Variants in CADM2 observed in about 807,000 individuals in gnomAD.
The protein encoded by CADM2 is cell adhesion molecule 2.
A neutral mutation model predicts 49.8 loss-of-function variants in CADM2; 12 were observed. The observed-to-expected ratio is 0.24, with a 90% CI of 0.15 to 0.39. The LOEUF is 0.39. CADM2 is among the 10% of genes least tolerant of loss of function. The pLI, the probability that CADM2 is intolerant of heterozygous loss-of-function variation, is 1.00. For missense variants in CADM2, 378 were observed against 492.3 expected (o/e 0.77, Z 2.20); for synonymous variants, 214 against 175.4 (o/e 1.22, Z -1.74).
intron 6 of CADM2, among the ~76,000 whole-genome samples, chr3:85,922,150 TCTTA>T (rs1051357175): frequency 2.6e-5 from 4 of 151,930 alleles, no homozygotes; most frequent in African/African-American, 7.3e-5. Flanking sequence ...TTCTTTTCTT[TCTTA>T]TTCTTTCTCC....
chr3:85,843,078 A>G (rs79326127), intron 3 of CADM2, among the ~76,000 whole-genome samples: 4 of 152,272 alleles, frequency 2.6e-5, no homozygotes, highest in African/African-American at 9.6e-5. Context: ...CCATGATTAA[A>G]TGTTTAGCAT....
chr3:85,403,467 AAAAC>A (rs1197823328), intron 1 of CADM2, among the ~76,000 whole-genome samples: 2 of 152,094 alleles, frequency 1.3e-5, no homozygotes, highest in African/African-American at 2.4e-5. Flanking sequence ...ATGTTTATGG[AAAAC>A]AAACAAACAA....
intron 1 of CADM2, among the ~76,000 whole-genome samples, chr3:85,298,761 A>G (rs2044026035): frequency 6.6e-6 from 1 of 152,174 alleles, no homozygotes; most frequent in Non-Finnish European, 1.5e-5. Flanking sequence ...AAATTAGGAC[A>G]TTTTAAATAC....
intron 1 of CADM2, among the ~76,000 whole-genome samples, chr3:85,124,129 T>C (rs2038952782): frequency 6.6e-6 from 1 of 152,180 alleles, no homozygotes; most frequent in Admixed American, 6.5e-5. Context: ...TACTTTCCCA[T>C]AGGGACTGGG....
chr3:85,753,401 T>A (rs1241077240), intron 2 of CADM2, among the ~76,000 whole-genome samples: 1 of 151,608 alleles, frequency 6.6e-6, no homozygotes, highest in Non-Finnish European at 1.5e-5. Flanking sequence ...GGAAAAAAAA[T>A]GTGATTGCAA....
intron 8 of CADM2, among the ~76,000 whole-genome samples, chr3:86,038,056 A>G (rs1403399694): frequency 6.6e-6 from 1 of 151,460 alleles, no homozygotes; most frequent in Non-Finnish European, 1.5e-5. Context: ...CTCATTGTTC[A>G]CCTCCCACTT....
chr3:85,833,833 T>G (rs562333904), intron 3 of CADM2, among the ~76,000 whole-genome samples: 1 of 151,664 alleles, frequency 6.6e-6, no homozygotes, highest in Non-Finnish European at 1.5e-5. Context: ...TCTCAAAATT[T>G]TTTGGCTCTT....
chr3:85,631,050 T>C (rs1261804102), intron 1 of CADM2, among the ~76,000 whole-genome samples: 1 of 152,118 alleles, frequency 6.6e-6, no homozygotes, highest in Non-Finnish European at 1.5e-5. Flanking sequence ...ATCCCTTTTT[T>C]ATTCCTCAAA....
chr3:85,985,622 T>C (rs184964153), intron 8 of CADM2, among the ~76,000 whole-genome samples: 1 of 152,230 alleles, frequency 6.6e-6, no homozygotes, highest in East Asian at 1.9e-4. Context: ...TGCCATTGTA[T>C]TTTTAAATCA....
chr3:85,048,208 G>C (rs995913420), intron 1 of CADM2, among the ~76,000 whole-genome samples: 1 of 152,102 alleles, frequency 6.6e-6, no homozygotes, highest in African/African-American at 2.4e-5. Flanking sequence ...TAGTAGGAGA[G>C]TGATTTGTTT....
intron 1 of CADM2, among the ~76,000 whole-genome samples, chr3:85,556,056 G>T (rs67568006): frequency 0.51 from 77,716 of 151,766 alleles, 22,953 homozygotes; most frequent in East Asian, 0.85. Flanking sequence ...GAAAATCTGT[G>T]AATAACTTTT....
At chr3:85,016,458 A>G (rs888322218) in intron 1 of CADM2, among the ~76,000 whole-genome samples, 1 of 152,194 alleles carries the variant, frequency 6.6e-6, no homozygotes, top group African/African-American at 2.4e-5. Flanking sequence ...ATACCTTTGC[A>G]TATTTTAACT....
chr3:85,438,511 A>C (rs1158042885), intron 1 of CADM2, among the ~76,000 whole-genome samples: 3 of 152,204 alleles, frequency 2.0e-5, no homozygotes, highest in Non-Finnish European at 2.9e-5. Context: ...ACAATTTCTA[A>C]GAAAAAAAGA....
intron 1 of CADM2, among the ~76,000 whole-genome samples, chr3:85,253,291 GTTA>G (rs1271757045): frequency 1.1e-4 from 16 of 152,152 alleles, no homozygotes; most frequent in African/African-American, 3.6e-4. Flanking sequence ...TAAAATCAAA[GTTA>G]TTATTGTGTG....
At chr3:85,188,724 A>G (rs1005344784) in intron 1 of CADM2, among the ~76,000 whole-genome samples, 6 of 152,050 alleles carry the variant, frequency 3.9e-5, no homozygotes, top group African/African-American at 9.7e-5. Flanking sequence ...ATATCATTTA[A>G]CTAAGTACTT....
At chr3:85,757,047 T>A (rs12714637) in intron 2 of CADM2, among the ~76,000 whole-genome samples, 1 of 152,022 alleles carries the variant, frequency 6.6e-6, no homozygotes, top group African/African-American at 2.4e-5. Flanking sequence ...GAAGTGAAAG[T>A]TGATGAATAT....
At chr3:85,449,095 C>A (rs2037628601) in intron 1 of CADM2, among the ~76,000 whole-genome samples, 1 of 86,324 alleles carries the variant, frequency 1.2e-5, no homozygotes, top group Non-Finnish European at 2.7e-5. Flanking sequence ...TTATATAATT[C>A]ATTATACCAT....
At chr3:85,305,832 A>G (rs1225638861) in intron 1 of CADM2, among the ~76,000 whole-genome samples, 7 of 151,834 alleles carry the variant, frequency 4.6e-5, no homozygotes, top group East Asian at 1.9e-4. Context: ...ACACATTTCA[A>G]GTTAACAGAT....
intron 1 of CADM2, among the ~76,000 whole-genome samples, chr3:85,578,030 T>TCC (rs71108300): frequency 6.5e-4 from 97 of 148,264 alleles, no homozygotes; most frequent in African/African-American, 5.4e-4. Context: ...CTTCCTTCCT[T>TCC]TCTTCCCCCC....
Sources: allele counts gnomAD v4.1 joint callset (sites outside exome capture counted in the v4.1 genomes callset), GRCh38; gene constraint gnomAD v4.1.1; transcripts MANE v1.5; gene names NCBI Gene and HGNC (gene_info 2026-07-23, HGNC 2026-07-21).